Variants in ZGRF1 observed in about 807,000 individuals in gnomAD.
ZGRF1 encodes zinc finger GRF-type containing 1.
In ZGRF1, 196 loss-of-function variants were observed where a neutral mutation model predicts 203.5. The observed-to-expected ratio is 0.96, with a 90% CI of 0.86 to 1.08. The LOEUF is 1.08. Among genes scored for constraint, ZGRF1 ranks in the 50% least tolerant of loss-of-function variants. The pLI is 0.00. For missense variants in ZGRF1, 2,326 were observed against 2,416.3 expected, an observed-to-expected ratio of 0.96 and a Z score of 0.78; for synonymous variants, 809 against 841.3, an observed-to-expected ratio of 0.96 and a Z score of 0.66.
chr4:112,597,300 AG>A (rs1749192108), intron 10 of ZGRF1, among the ~76,000 whole-genome samples: 1 of 151,196 alleles, frequency 6.6e-6, no homozygotes, highest in Non-Finnish European at 1.5e-5. Context: ...CTGAGGCAGC[AG>A]GAACACTTGA....
Position 112,594,148 on chromosome 4 carries a change from T to A in ZGRF1, c.2977-4274A>T, listed in dbSNP as rs962645431. Reference sequence around the variant, plus strand: ...TTATCTCAATTTATTTGTTTGTTTGTTTATTCTCCTGATTAACATCTCCCT... The same window carrying A: ...TTATCTCAATTTATTTGTTTGTTTGATTATTCTCCTGATTAACATCTCCCT... On this transcript the variant is annotated intron_variant, in intron 10 of 27. Transcript: ENST00000505019. 7.1e-4 allele frequency among the ~76,000 whole-genome samples: 108 copies of A among 152,178 alleles called. 1 individual carries two copies. Among genetic ancestry groups the A allele is most frequent in the African/African-American group, 2.5e-3 (104 of 41,438 alleles).
intron 22 of ZGRF1, 41 bp downstream of exon 22, chr4:112,553,794 A>G (rs371251700): frequency 6.5e-7 from 1 of 1,532,924 alleles, no homozygotes; most frequent in African/African-American, 1.4e-5. Flanking sequence ...TCTGAATGGT[A>G]TATATAAATC....
chr4:112,604,291 A>G (rs1750435983), intron 9 of ZGRF1, among the ~76,000 whole-genome samples: 1 of 152,180 alleles, frequency 6.6e-6, no homozygotes, highest in African/African-American at 2.4e-5. Context: ...TTTTATTACA[A>G]GCATAAAGAT....
At chr4:112,550,181 G>A (rs1339380289) in intron 22 of ZGRF1, among the ~76,000 whole-genome samples, 1 of 151,112 alleles carries the variant, frequency 6.6e-6, no homozygotes, top group African/African-American at 2.4e-5. Flanking sequence ...GACAGAGCGA[G>A]ACTCCATCTC....
At chr4:112,582,628 A>G (rs1475644005) in intron 15 of ZGRF1, among the ~76,000 whole-genome samples, 3 of 151,754 alleles carry the variant, frequency 2.0e-5, no homozygotes, top group African/African-American at 4.8e-5. Flanking sequence ...TAATTTTTGT[A>G]GAGACGAGGT....
intron 24 of ZGRF1, among the ~76,000 whole-genome samples, chr4:112,545,152 G>A (rs983235251): frequency 6.6e-5 from 10 of 151,350 alleles, no homozygotes; most frequent in East Asian, 1.9e-4. Context: ...GAACTTCATC[G>A]AAATTAAGAA....
Position 112,563,175 on chromosome 4 carries a change from A to T in ZGRF1, c.4538T>A (p.Ile1513Lys). The change falls in exon 17 of 28, where the codon ATA becomes AAA. Residue 1513 changes from isoleucine to lysine, a missense_variant. Transcript: ENST00000505019. The stretch of plus-strand genomic sequence containing the variant: ...AGGGAAATAGCCTTTCAAAGGCAGT[A>T]TTTCTATCTCATTGATAGATGATGG... ...FGPSSINEIE[I>K]LPLKGYFPSN... 6.5e-7 allele frequency: 1 copy of T among 1,549,480 alleles called. No individual in the cohort carries two copies. The highest frequency in any genetic ancestry group is 8.7e-7 in the Non-Finnish European group (1 of 1,145,212).
At chr4:112,580,579 A>G (rs1389578438) in intron 16 of ZGRF1, among the ~76,000 whole-genome samples, 1 of 152,144 alleles carries the variant, frequency 6.6e-6, no homozygotes, top group Admixed American at 6.5e-5. Context: ...ACAAATTTAC[A>G]AGAAAAAAAC....
At chr4:112,540,984 A>G (rs1737456638) in intron 25 of ZGRF1, 29 bp from the exon 26 acceptor site, 1 of 1,555,702 alleles carries the variant, frequency 6.4e-7, no homozygotes. Context: ...CCTAAATTAT[A>G]TTTCCCAGAA....
intron 6 of ZGRF1, among the ~76,000 whole-genome samples, chr4:112,616,791 C>A (rs1032527649): frequency 2.7e-5 from 4 of 150,504 alleles, no homozygotes; most frequent in Non-Finnish European, 5.9e-5. Context: ...GAGCCGAGAT[C>A]GCGCCACTGC....
chr4:112,631,809 T>C (rs2047420310), intron 3 of ZGRF1, 121 bp downstream of exon 3: 2 of 479,658 alleles, frequency 4.2e-6, no homozygotes, highest in Non-Finnish European at 7.4e-6. Flanking sequence ...TGAAAATCTG[T>C]TTTCACATCA....
rs757370685 is a variant in ZGRF1 at position 112,584,169 on chromosome 4, A to C, written c.4107T>G (p.Arg1369=). Residue 1369 remains arginine, a synonymous_variant, in exon 15 of 28, where the codon CGT becomes CGG. Coordinates refer to ENST00000505019, the MANE Select transcript of ZGRF1 (RefSeq NM_018392.5). ...MVKKEGPNKG[R]LFYTCDGPKA... ...TGGGTCCATCACATGTATAAAAGAG[A>C]CGACCCTAAGGGGAAAGAAAAAAGA... The C allele has an allele frequency of 1.3e-6, 2 of 1,583,636 alleles. No individual in the cohort carries two copies. The highest frequency in any genetic ancestry group is 1.7e-4 in the Middle Eastern group (1 of 5,908).
chr4:112,555,715 T>C (rs537543297), intron 20 of ZGRF1, among the ~76,000 whole-genome samples: 2 of 152,282 alleles, frequency 1.3e-5, no homozygotes, highest in Admixed American at 6.5e-5. Flanking sequence ...CATTAATCAA[T>C]AGGAAAACAT....
At chr4:112,572,234 C>T (rs576021708) in intron 16 of ZGRF1, among the ~76,000 whole-genome samples, 2 of 152,128 alleles carry the variant, frequency 1.3e-5, no homozygotes, top group East Asian at 3.9e-4. Context: ...ATAGAGAGCC[C>T]AGAAATAAAG....
Position 112,619,023 on chromosome 4 carries a change from G to C in ZGRF1, c.1019C>G (p.Ser340Cys), listed in dbSNP as rs142122198. Residue 340 changes from serine to cysteine, a missense_variant, in exon 6 of 28, where the codon TCT (serine) becomes TGT (cysteine). By Grantham distance (112) the Ser-to-Cys change is moderately radical. Coordinates refer to ENST00000505019, the MANE Select transcript of ZGRF1 (RefSeq NM_018392.5). ...YLSSQSSPIH[S>C]STVDGNDTER... Reference sequence around the variant, plus strand: ...TGTATCATTCCCATCTACAGTAGAAGAATGTATAGGTGAACTCTGTGAGGA... The same window carrying C: ...TGTATCATTCCCATCTACAGTAGAACAATGTATAGGTGAACTCTGTGAGGA... 125 of 1,613,894 alleles carry C rather than the reference G, an allele frequency of 7.7e-5. No individual in the cohort carries two copies. In the African/African-American group the frequency reaches 1.5e-3, roughly 19 times the overall value.
intron 25 of ZGRF1, 50 bp from the exon 26 acceptor site, chr4:112,541,005 A>G (rs1737463762): frequency 1.9e-6 from 3 of 1,548,722 alleles, no homozygotes; most frequent in Admixed American, 2.0e-5. Flanking sequence ...AGGCTATGGA[A>G]AAACCAAGTA....
At chr4:112,573,671 A>C (rs1744633436) in intron 16 of ZGRF1, among the ~76,000 whole-genome samples, 2 of 152,194 alleles carry the variant, frequency 1.3e-5, no homozygotes, top group South Asian at 4.1e-4. Context: ...AGATGCAAAA[A>C]GCACTGTCAA....
At chr4:112,547,156 A>T (rs1738963304) in intron 24 of ZGRF1, 129 bp downstream of exon 24, 1 of 945,488 alleles carries the variant, frequency 1.1e-6, no homozygotes, top group Admixed American at 3.4e-5. Context: ...CTTACTTTCC[A>T]GACAACTCCA....
Position 112,603,630 on chromosome 4 carries a change from C to G in ZGRF1, c.2870G>C (p.Ser957Thr). 6.2e-7 allele frequency: 1 copy of G among 1,613,926 alleles called. No homozygotes were observed. The highest frequency in any genetic ancestry group is 1.1e-5 in the South Asian group (1 of 91,080). Residue 957 changes from serine to threonine, a missense_variant, in exon 10 of 28, where the codon AGC (serine) becomes ACC (threonine). Physicochemically the swap from Ser to Thr is moderately conservative, Grantham distance 58 (BLOSUM62 1). Coordinates refer to ENST00000505019, the MANE Select transcript of ZGRF1 (RefSeq NM_018392.5). ...ATSGVMVRGH[S>T]SQLGCSQFPD... ...AAACTGACTGCATCCTAGCTGTGAGCTGTGTCCTCTGACCATTACACCACT... is the reference window on the plus strand; with the variant it reads ...AAACTGACTGCATCCTAGCTGTGAGGTGTGTCCTCTGACCATTACACCACT...
Sources: gnomAD v4.1 joint callset for allele counts (sites outside exome capture counted in the v4.1 genomes callset) on GRCh38, gnomAD v4.1.1 for gene constraint, MANE v1.5 for transcripts, NCBI Gene and HGNC (gene_info 2026-07-23, HGNC 2026-07-21) for gene names.